ZNF20: variants seen among roughly 807,000 people sequenced by gnomAD.
The protein encoded by ZNF20 is zinc finger protein 20, also known as zinc finger protein KOX13.
ZNF20 carries 9 observed loss-of-function variants against 11.0 expected under a neutral mutation model. That is an observed-to-expected ratio of 0.82 (90% CI 0.49 to 1.43). ZNF20 has a LOEUF of 1.43. Among genes scored for constraint, ZNF20 ranks in the 40% most tolerant of loss-of-function variants. The pLI is 0.00. For missense variants in ZNF20, 528 were observed against 640.8 expected, an observed-to-expected ratio of 0.82 and a Z score of 1.90; for synonymous variants, 182 against 213.0, an observed-to-expected ratio of 0.85 and a Z score of 1.27.
Position 12,135,600 on chromosome 19 carries a change from G to C in ZNF20, c.140-40C>G, listed in dbSNP as rs376720869. 4.4e-6 allele frequency: 7 copies of C among 1,599,916 alleles called. No individual in the cohort carries two copies. The African/African-American group carries it at 8.1e-5, about 19-fold the overall frequency. On this transcript the variant is annotated intron_variant, in intron 2 of 3. Transcript: ENST00000334213. ...CGGAGAAAACACAGATCCAGAATTA[G>C]TATGAATTTATTTAAAAATCATTAG...
intron 1 of ZNF20, among the ~76,000 whole-genome samples, chr19:12,136,612 G>A (rs189657579): frequency 9.2e-5 from 14 of 151,728 alleles, no homozygotes; most frequent in South Asian, 6.2e-4. Flanking sequence ...ACTTGAACCC[G>A]GGAGGCAGAG....
At position 12,135,846 on chromosome 19, in the gene ZNF20, C is replaced by T; in HGVS notation, c.62G>A (p.Trp21Ter). ...CTTCTGGGAAGGATCCAGCAAAGCC[C>T]ACTCCTCCTGGGTGAAGCTGACAGC... ...DVAVSFTQEE[W>*]ALLDPSQKNL... The change falls in exon 2 of 4, where the codon TGG becomes TAG. Residue 21 changes from tryptophan (W) to a stop codon, truncating the protein, a stop_gained. Transcript: ENST00000334213. LOFTEE classifies it high-confidence loss of function. 1 of 1,614,142 alleles carries T rather than the reference C, an allele frequency of 6.2e-7. No homozygotes were observed.
chr19:12,138,041 G>C (rs1976740415), intron 1 of ZNF20, among the ~76,000 whole-genome samples: 1 of 152,194 alleles, frequency 6.6e-6, no homozygotes, highest in African/African-American at 2.4e-5. Context: ...ATATTCAGTA[G>C]GCCAGGAGAG....
chr19:12,135,392 G>C lies in ZNF20; in HGVS notation c.200+108C>G, dbSNP rs1256105523. The C allele has an allele frequency of 4.6e-5, 52 of 1,139,754 alleles. 1 individual carries two copies. In the East Asian group the frequency reaches 1.2e-3, roughly 27 times the overall value. The allele number at this position is 1,139,754 out of a possible 1,614,324, so 70.6% of individuals were successfully genotyped here. ...CCTGACCTTGGGATTCACCCACCTC[G>C]ACCTCCCAAAGTGCTGGGATTACAG... On this transcript the variant is annotated intron_variant, in intron 3 of 3. Transcript: ENST00000334213.
chr19:12,133,116 T>C lies in ZNF20; in HGVS notation c.1070A>G (p.His357Arg), dbSNP rs200153045. 3.1e-6 allele frequency: 5 copies of C among 1,614,070 alleles called. No individual in the cohort carries two copies. In the African/African-American group the frequency reaches 6.7e-5, roughly 22 times the overall value. The change falls in exon 4 of 4, where the codon CAT (histidine) becomes CGT (arginine). Residue 357 changes from histidine to arginine, a missense_variant. By Grantham distance (29) the His-to-Arg change is conservative. Coordinates refer to ENST00000334213, the MANE Select transcript of ZNF20 (RefSeq NM_021143.4). Reference protein sequence around the residue: ...AFRCTSDLQRHEKTHTEDKPY... With the variant: ...AFRCTSDLQRREKTHTEDKPY... ...TTTATCCTCAGTGTGTGTCTTTTCA[T>C]GCCTTTGAAGGTCCGAGGTACATCT...
At position 12,131,358 on chromosome 19, in the gene ZNF20, T is replaced by C. The variant is rs1976619328; in HGVS notation, c.*1229A>G. 6.6e-6 allele frequency: 1 copy of C among 152,226 alleles called. No homozygotes were observed. Among genetic ancestry groups the C allele is most frequent in the African/African-American group, 2.4e-5 (1 of 41,456 alleles). 9.4% of individuals were successfully genotyped at this position (152,226 alleles called of 1,614,324 possible). ...TGCAAACATACCCCAAATTTTTCTC[T>C]TCTCACGAAATGTGACTATCTTTTA... On this transcript the variant is annotated 3_prime_UTR_variant, in exon 4 of 4. Coordinates refer to ENST00000334213, the MANE Select transcript of ZNF20 (RefSeq NM_021143.4).
chr19:12,134,241 CT>C (rs1976674318), intron 3 of ZNF20, among the ~76,000 whole-genome samples: 1 of 151,978 alleles, frequency 6.6e-6, no homozygotes. Context: ...GGAGAATCGC[CT>C]GAACCCCAGA....
intron 2 of ZNF20, 50 bp downstream of exon 2, chr19:12,135,719 T>C: frequency 3.7e-6 from 6 of 1,608,204 alleles, no homozygotes; most frequent in Non-Finnish European, 5.1e-6. Context: ...ATTGATGAGC[T>C]AGAAGCATTT....
At chr19:12,135,738 A>C in intron 2 of ZNF20, 31 bp downstream of exon 2, 1 of 1,610,220 alleles carries the variant, frequency 6.2e-7, no homozygotes. Flanking sequence ...TTGTTCTCTA[A>C]TTCACTGGGA....
Position 12,133,339 on chromosome 19 carries a change from A to AG in ZNF20, c.846dup (p.Tyr283LeufsTer2), listed in dbSNP as rs1440156000. 6.2e-7 allele frequency: 1 copy of AG among 1,614,206 alleles called. No individual in the cohort carries two copies. Among genetic ancestry groups the AG allele is most frequent in the Admixed American group, 1.7e-5 (1 of 60,024 alleles). On this transcript the variant is annotated frameshift_variant, in exon 4 of 4. Transcript: ENST00000334213. LOFTEE classifies it low-confidence loss of function (END_TRUNC). ...ACTTTCCCACATTGCTTACACTCAT[A>AG]GGGTTTTTCTCCAGTGTGAGACCTT...
At chr19:12,134,899 A>C (rs1447767066) in intron 3 of ZNF20, among the ~76,000 whole-genome samples, 1 of 151,904 alleles carries the variant, frequency 6.6e-6, no homozygotes, top group African/African-American at 2.4e-5. Flanking sequence ...TTGGGGTCTC[A>C]ACTCACCCTG....
At chr19:12,134,373 T>A (rs1314890588) in intron 3 of ZNF20, among the ~76,000 whole-genome samples, 1 of 151,898 alleles carries the variant, frequency 6.6e-6, no homozygotes, top group Non-Finnish European at 1.5e-5. Context: ...CTGGGTATGG[T>A]GGGTCACGCC....
rs955271175 is a variant in ZNF20, at chr19:12,133,194, C to T, written c.992G>A (p.Arg331Lys). The T allele has an allele frequency of 1.9e-6, 3 of 1,613,676 alleles. No homozygotes were observed. The highest frequency in any genetic ancestry group is 2.5e-6 in the Non-Finnish European group (3 of 1,179,736). ...ATAGGGTTTCTCTCCAGTGTGAGTC[C>T]TTCCATGCTTTTGAAGGTGTGAGCC... Reference protein sequence around the residue: ...RCGSHLQKHGRTHTGEKPYEC... With the variant: ...RCGSHLQKHGKTHTGEKPYEC... The change falls in exon 4 of 4, where the codon AGG becomes AAG. Residue 331 changes from arginine (R) to lysine (K), a missense_variant. Physicochemically the swap from Arg to Lys is conservative, Grantham distance 26. Transcript: ENST00000334213.
intron 3 of ZNF20, 34 bp from the exon 4 acceptor site, chr19:12,134,019 G>A: frequency 6.4e-7 from 1 of 1,561,558 alleles, no homozygotes; most frequent in Non-Finnish European, 8.7e-7. Context: ...ATTATTAACG[G>A]TTTGATTAAA....
rs1976641568 is a variant in ZNF20 at position 12,132,689 on chromosome 19, A to G, written c.1497T>C (p.Thr499=). The part of the protein sequence containing the change: ...ISNYIRYHER[T]HTGEKPYQCK... ...ATTGATAGGGTTTCTCTCCAGTGTG[A>G]GTCCTTTCATGATATCGAATGTAAT... The change falls in exon 4 of 4, where the codon ACT becomes ACC. Residue 499 remains threonine (T), a synonymous_variant. Transcript: ENST00000334213. 1.2e-6 allele frequency: 2 copies of G among 1,613,722 alleles called. No individual in the cohort carries two copies. The highest frequency in any genetic ancestry group is 3.3e-5 in the Admixed American group (2 of 59,958).
At chr19:12,138,859 G>A (rs1976754664) in intron 1 of ZNF20, among the ~76,000 whole-genome samples, 1 of 152,122 alleles carries the variant, frequency 6.6e-6, no homozygotes. Flanking sequence ...AGTTGGAGAA[G>A]GGGAGTTAAT....
rs1398384291 is a variant in ZNF20 at position 12,133,807 on chromosome 19, C to T, written c.379G>A (p.Asp127Asn). 6.2e-7 allele frequency: 1 copy of T among 1,614,078 alleles called. No individual in the cohort carries two copies. Among genetic ancestry groups the T allele is most frequent in the Admixed American group, 1.7e-5 (1 of 60,000 alleles). The change falls in exon 4 of 4, where the codon GAC becomes AAC. Residue 127 changes from aspartate to asparagine, a missense_variant. Asp to Asn is a conservative substitution (Grantham distance 23, BLOSUM62 1). Coordinates refer to ENST00000334213, the MANE Select transcript of ZNF20 (RefSeq NM_021143.4). ...TACTCAGATGACTTGTGTCCAGTGTCAGCTCTGATATGCGTATTAAGAGAT... is the reference window on the plus strand; with the variant it reads ...TACTCAGATGACTTGTGTCCAGTGTTAGCTCTGATATGCGTATTAAGAGAT... ...HSSLNTHIRA[D>N]TGHKSSEYQE...
Position 12,135,553 on chromosome 19 carries a change from T to C in ZNF20, c.147A>G (p.Thr49=), listed in dbSNP as rs768569205. ...CATCTTCAATGTTCTGAACTTTCCA[T>C]GTTTTTCCTAAAACACAGACCCGGA... ...TFKNLTSVGK[T]WKVQNIEDEY... Residue 49 remains threonine (T), a synonymous_variant, in exon 3 of 4, where the codon ACA becomes ACG. Transcript: ENST00000334213. The C allele has an allele frequency of 3.1e-6, 5 of 1,612,828 alleles. No individual in the cohort carries two copies. The Admixed American group carries it at 6.7e-5, about 22-fold the overall frequency.
At chr19:12,138,920 G>A (rs1191301216) in intron 1 of ZNF20, among the ~76,000 whole-genome samples, 10 of 152,230 alleles carry the variant, frequency 6.6e-5, no homozygotes, top group African/African-American at 2.4e-4. Context: ...ACTGCAAACT[G>A]CTGAAGAGTT....
Sources: allele counts gnomAD v4.1 joint callset (sites outside exome capture counted in the v4.1 genomes callset), GRCh38; gene constraint gnomAD v4.1.1; transcripts MANE v1.5; gene names NCBI Gene and HGNC (gene_info 2026-07-23, HGNC 2026-07-21).